Variants in AIG1 observed in about 807,000 individuals in gnomAD.
The protein encoded by AIG1 is androgen-induced gene 1 protein.
AIG1 carries 23 observed loss-of-function variants against 31.4 expected under a neutral mutation model. The ratio of observed to expected loss-of-function variants is 0.73; its 90% confidence interval spans 0.53 to 1.04. The LOEUF (loss-of-function observed/expected upper bound fraction) is 1.04, where lower values mean the gene tolerates loss of function less well. Ranked by LOEUF, AIG1 falls within the 50% of genes least tolerant of loss-of-function variation. AIG1 has a pLI of 0.00. For missense variants in AIG1, 274 were observed against 295.0 expected (o/e 0.93, Z 0.52); for synonymous variants, 100 against 110.5 (o/e 0.90, Z 0.60).
chr6:143,333,192 A>T lies in AIG1; in HGVS notation c.516-90A>T. Reference sequence around the variant, plus strand: ...CTGGCAAATGCTGAAGCATGGGGAGAGTGAGGGAGTGTATATTTGCATCAT... The same window carrying T: ...CTGGCAAATGCTGAAGCATGGGGAGTGTGAGGGAGTGTATATTTGCATCAT... On this transcript the variant is annotated intron_variant, in intron 4 of 5. Transcript: ENST00000357847. This position sits in a 1 kb window ranked among gnomAD's most constrained non-coding sequence, Gnocchi z 4.6. 1 of 1,268,466 alleles carries T rather than the reference A, an allele frequency of 7.9e-7. No individual in the cohort carries two copies. Among genetic ancestry groups the T allele is most frequent in the Non-Finnish European group, 1.1e-6 (1 of 949,598 alleles). The allele number at this position is 1,268,466 out of a possible 1,614,324, so 78.6% of individuals were successfully genotyped here. A position where few individuals can be genotyped will look rare whatever the true frequency, so the allele number is the denominator to read the frequency against.
chr6:143,213,692 T>C (rs1395021840), intron 3 of AIG1, among the ~76,000 whole-genome samples: 2 of 151,448 alleles, frequency 1.3e-5, no homozygotes, highest in African/African-American at 4.9e-5. Context: ...AATTTTTACA[T>C]TTTTAGTAGA....
intron 3 of AIG1, among the ~76,000 whole-genome samples, chr6:143,213,195 A>T (rs918438892): frequency 6.6e-6 from 1 of 152,166 alleles, no homozygotes; most frequent in African/African-American, 2.4e-5. Context: ...ATATAATTGT[A>T]TGTGTTTAGT....
chr6:143,243,262 T>C (rs987679151), intron 3 of AIG1, among the ~76,000 whole-genome samples: 3 of 152,232 alleles, frequency 2.0e-5, no homozygotes, highest in African/African-American at 7.2e-5. Flanking sequence ...GTTGGAATTA[T>C]AATAAGACAT....
chr6:143,208,374 G>T (rs1246267679), intron 3 of AIG1, among the ~76,000 whole-genome samples: 1 of 152,118 alleles, frequency 6.6e-6, no homozygotes, highest in Admixed American at 6.5e-5. Flanking sequence ...CTCCCTTCCT[G>T]CTGAGAGCTT....
At chr6:143,106,636 A>G (rs896277760) in intron 1 of AIG1, among the ~76,000 whole-genome samples, 1 of 152,232 alleles carries the variant, frequency 6.6e-6, no homozygotes, top group Non-Finnish European at 1.5e-5. Context: ...CAAGTAGGAA[A>G]GCATATATAC....
At position 143,297,069 on chromosome 6, in the gene AIG1, T is replaced by C. The variant is rs1798474619; in HGVS notation, c.515+12844T>C. On this transcript the variant is annotated intron_variant, in intron 4 of 5. Transcript: ENST00000357847. The surrounding 1 kb of genome is among the most constrained non-coding windows in gnomAD (Gnocchi z 5.1). Reference sequence around the variant, plus strand: ...ACAGGGAACTAAAAAGCAATAGTCATCCAGTTGATAACTGCTATTTGCAAG... The same window carrying C: ...ACAGGGAACTAAAAAGCAATAGTCACCCAGTTGATAACTGCTATTTGCAAG... 6.6e-6 allele frequency among the ~76,000 whole-genome samples: 1 copy of C among 151,410 alleles called. No individual in the cohort carries two copies. The highest frequency in any genetic ancestry group is 1.5e-5 in the Non-Finnish European group (1 of 67,978).
intron 4 of AIG1, among the ~76,000 whole-genome samples, chr6:143,305,609 T>C (rs1276639906): frequency 6.6e-6 from 1 of 152,218 alleles, no homozygotes; most frequent in Admixed American, 6.5e-5. Context: ...ATAATTTCTG[T>C]TCTTTTACAT....
intron 3 of AIG1, chr6:143,189,927 T>G (rs1258085709): frequency 1.4e-6 from 1 of 737,120 alleles, no homozygotes; most frequent in Non-Finnish European, 1.7e-6. Flanking sequence ...GTCCAAGAGC[T>G]GGGTGCCAGC....
chr6:143,177,536 A>G (rs1037091144), intron 3 of AIG1, among the ~76,000 whole-genome samples: 1 of 152,206 alleles, frequency 6.6e-6, no homozygotes, highest in African/African-American at 2.4e-5. Flanking sequence ...TGGGGGCAGT[A>G]ATGTAGTCTC....
chr6:143,218,623 A>C (rs1413135111), intron 3 of AIG1, among the ~76,000 whole-genome samples: 2 of 152,174 alleles, frequency 1.3e-5, no homozygotes, highest in Non-Finnish European at 2.9e-5. Flanking sequence ...GGTATCCTCC[A>C]CCACAAAAAC....
At chr6:143,074,264 G>A (rs1777545152) in intron 1 of AIG1, among the ~76,000 whole-genome samples, 1 of 152,106 alleles carries the variant, frequency 6.6e-6, no homozygotes. Context: ...ATTTACTTTT[G>A]ATTTGTGGCC....
chr6:143,309,703 T>G (rs1775111014), intron 4 of AIG1, among the ~76,000 whole-genome samples: 1 of 151,996 alleles, frequency 6.6e-6, no homozygotes, highest in Non-Finnish European at 1.5e-5. Context: ...AGACAAAGAT[T>G]ATTACATTAG....
At chr6:143,137,082 G>T in intron 2 of AIG1, 92 bp downstream of exon 2, 14 of 1,271,672 alleles carry the variant, frequency 1.1e-5, no homozygotes, top group Non-Finnish European at 1.4e-5. Flanking sequence ...ATTATAAGAG[G>T]TTTCTGTATT....
chr6:143,112,151 C>T (rs1781329149), intron 1 of AIG1, among the ~76,000 whole-genome samples: 1 of 152,140 alleles, frequency 6.6e-6, no homozygotes, highest in African/African-American at 2.4e-5. Context: ...CTTGACACTA[C>T]CCCTTTTCAC....
chr6:143,091,838 T>C (rs942688458), intron 1 of AIG1, among the ~76,000 whole-genome samples: 1 of 152,238 alleles, frequency 6.6e-6, no homozygotes, highest in Non-Finnish European at 1.5e-5. Context: ...ATGCATAAGA[T>C]GAAATGTACT....
At chr6:143,064,839 A>G (rs906036080) in intron 1 of AIG1, among the ~76,000 whole-genome samples, 1 of 152,236 alleles carries the variant, frequency 6.6e-6, no homozygotes. Context: ...AGAGACCACC[A>G]AACAGGCTTT....
chr6:143,127,452 A>T (rs1782789474), intron 1 of AIG1, among the ~76,000 whole-genome samples: 1 of 152,252 alleles, frequency 6.6e-6, no homozygotes, highest in Admixed American at 6.5e-5. Context: ...AAAGTACACC[A>T]TAATCAAAAT....
rs1283905223 is a variant in AIG1, at chr6:143,188,913, T to G, written c.399+23730T>G. On this transcript the variant is annotated intron_variant, in intron 3 of 5. Coordinates refer to ENST00000357847, the MANE Select transcript of AIG1 (RefSeq NM_016108.4). Reference sequence around the variant, plus strand: ...AAGTGTATTCAGTAAAATTAATGCGTTTTTTTCTTAAAAGCTCAAGCCTTC... The same window carrying G: ...AAGTGTATTCAGTAAAATTAATGCGGTTTTTTCTTAAAAGCTCAAGCCTTC... 20 of 984,456 alleles carry G rather than the reference T, an allele frequency of 2.0e-5. No individual in the cohort carries two copies. In the Admixed American group the frequency reaches 8.6e-4, roughly 42 times the overall value. The allele number at this position is 984,456 out of a possible 1,614,324, so 61.0% of individuals were successfully genotyped here. A position where few individuals can be genotyped will look rare whatever the true frequency, so the allele number is the denominator to read the frequency against.
In AIG1 at chr6:143,256,438, A is replaced by G. The variant is rs1795378132; in HGVS notation, c.400-27672A>G. ...TACAACTTTTACTGTACATTATGCTACTGACTTCTTAAACTCGAACGTTGG... is the reference window on the plus strand; with the variant it reads ...TACAACTTTTACTGTACATTATGCTGCTGACTTCTTAAACTCGAACGTTGG... On this transcript the variant is annotated intron_variant, in intron 3 of 5. Transcript: ENST00000357847. The surrounding 1 kb of genome is among the most constrained non-coding windows in gnomAD (Gnocchi z 4.6). Among the ~76,000 whole-genome samples, 1 of 152,220 alleles carries G rather than the reference A, an allele frequency of 6.6e-6. No homozygotes were observed. Among genetic ancestry groups the G allele is most frequent in the African/African-American group, 2.4e-5 (1 of 41,460 alleles).
Sources: allele counts gnomAD v4.1 joint callset (sites outside exome capture counted in the v4.1 genomes callset), GRCh38; gene constraint gnomAD v4.1.1; non-coding constraint Gnocchi (gnomAD v3.1); transcripts MANE v1.5; gene names NCBI Gene and HGNC (gene_info 2026-07-23, HGNC 2026-07-21).